ACACB: variants seen among roughly 807,000 people sequenced by gnomAD.
The protein encoded by ACACB is acetyl-CoA carboxylase beta.
In ACACB, 209 loss-of-function variants were observed where a neutral mutation model predicts 278.8. The ratio of observed to expected loss-of-function variants is 0.75; its 90% CI spans 0.67 to 0.84. The LOEUF (loss-of-function observed/expected upper bound fraction) is 0.84, where lower values mean the gene tolerates loss of function less well. Ranked by LOEUF, ACACB falls within the 40% of genes least tolerant of loss-of-function variation. The pLI, the probability that ACACB is intolerant of heterozygous loss-of-function variation, is 0.00. For synonymous variants in ACACB, 1,174 were observed against 1,285.6 expected (o/e 0.91, Z 1.86); for missense variants, 2,850 against 3,269.0 (o/e 0.87, Z 3.13).
At chr12:109,194,981 T>C (rs929798651) in intron 16 of ACACB, among the ~76,000 whole-genome samples, 1 of 152,160 alleles carries the variant, frequency 6.6e-6, no homozygotes, top group Non-Finnish European at 1.5e-5. Context: ...CTGGAGTCCC[T>C]GGGGCTTATT....
At chr12:109,124,278 T>C (rs1434064618) in intron 1 of ACACB, among the ~76,000 whole-genome samples, 1 of 152,190 alleles carries the variant, frequency 6.6e-6, no homozygotes, top group Non-Finnish European at 1.5e-5. Flanking sequence ...TAAATGCCAG[T>C]TACTTATTGA....
chr12:109,226,512 C>A (rs2046316474), intron 27 of ACACB, among the ~76,000 whole-genome samples: 1 of 151,824 alleles, frequency 6.6e-6, no homozygotes, highest in South Asian at 2.1e-4. Flanking sequence ...CCAGACTGAC[C>A]AACATGGAGA....
intron 52 of ACACB, among the ~76,000 whole-genome samples, chr12:109,265,746 T>C (rs909672113): frequency 1.3e-5 from 2 of 152,220 alleles, no homozygotes; most frequent in African/African-American, 2.4e-5. Flanking sequence ...AGAGGTACTC[T>C]GAAGGCCGTG....
chr12:109,262,457 A>C lies in ACACB; in HGVS notation c.6775A>C (p.Met2259Leu). 6.2e-7 allele frequency: 1 copy of C among 1,613,044 alleles called. No homozygotes were observed. Among genetic ancestry groups the C allele is most frequent in the Non-Finnish European group, 8.5e-7 (1 of 1,179,460 alleles). The change falls in exon 49 of 53, where the codon ATG becomes CTG. Residue 2259 changes from methionine (M) to leucine (L), a missense_variant. By Grantham distance (15) the Met-to-Leu change is conservative. Coordinates refer to ENST00000338432, the MANE Select transcript of ACACB (RefSeq NM_001093.4). ...GATCGATCCAGCTTACAAGAAGCTCATGGAACAGCTAGGTAAGGGGGTCCC... is the reference window on the plus strand; with the variant it reads ...GATCGATCCAGCTTACAAGAAGCTCCTGGAACAGCTAGGTAAGGGGGTCCC... ...RRIDPAYKKL[M>L]EQLGEPDLSD... is the part of the protein sequence containing the mutation.
At chr12:109,142,278 A>C (rs1232836501) in intron 2 of ACACB, among the ~76,000 whole-genome samples, 1 of 152,142 alleles carries the variant, frequency 6.6e-6, no homozygotes, top group African/African-American at 2.4e-5. Flanking sequence ...GAATGTATCA[A>C]ACCAACAAAC....
intron 24 of ACACB, among the ~76,000 whole-genome samples, chr12:109,219,664 A>T (rs893790259): frequency 6.6e-6 from 1 of 152,184 alleles, no homozygotes; most frequent in Non-Finnish European, 1.5e-5. Context: ...AAAAAGAGAG[A>T]GTGTGTATGT....
At chr12:109,223,986 C>A in intron 27 of ACACB, 82 bp downstream of exon 27, 1 of 1,155,632 alleles carries the variant, frequency 8.7e-7, no homozygotes, top group Non-Finnish European at 1.3e-6. Context: ...TGACCCTAGG[C>A]CACATGCCTT....
At chr12:109,156,457 G>A (rs2043539065) in intron 2 of ACACB, among the ~76,000 whole-genome samples, 1 of 151,254 alleles carries the variant, frequency 6.6e-6, no homozygotes, top group Non-Finnish European at 1.5e-5. Flanking sequence ...GAGCCTGGGA[G>A]ATCGAGGCTG....
Position 109,197,114 on chromosome 12 carries a change from G to A in ACACB, c.2588G>A (p.Gly863Glu). The change falls in exon 17 of 53, where the codon GGG becomes GAG. Residue 863 changes from glycine (G) to glutamate (E), a missense_variant. Transcript: ENST00000338432. ...NDGGLLLSYN[G>E]NSYTTYMKEE... ...GGGGGGCTCCTGCTCTCCTACAATG[G>A]GAACAGCTACACCACCTACATGAAG... 6.2e-7 allele frequency: 1 copy of A among 1,604,188 alleles called. No individual in the cohort carries two copies. Among genetic ancestry groups the A allele is most frequent in the Non-Finnish European group, 8.5e-7 (1 of 1,176,168 alleles).
chr12:109,165,228 A>G (rs960149887), intron 2 of ACACB, among the ~76,000 whole-genome samples: 1 of 152,190 alleles, frequency 6.6e-6, no homozygotes, highest in African/African-American at 2.4e-5. Flanking sequence ...TAGGGATGTC[A>G]GCAAAGGGAA....
Position 109,258,270 on chromosome 12 carries a change from T to C in ACACB, c.6266T>C (p.Leu2089Pro). ...GCTCACTGGTGCTCATTTTCCAGGC[T>C]TGGGGGGATTCCCGTGGGAGTGATT... ...AQTVVTGRAR[L>P]GGIPVGVIAV... Residue 2089 changes from leucine (L) to proline (P), a missense_variant and splice_region_variant, in exon 46 of 53, where the codon CTT becomes CCT. Leu to Pro is a moderately conservative substitution (Grantham distance 98, BLOSUM62 -3). Transcript: ENST00000338432. 6.2e-7 allele frequency: 1 copy of C among 1,611,800 alleles called. No individual in the cohort carries two copies. Among genetic ancestry groups the C allele is most frequent in the Non-Finnish European group, 8.5e-7 (1 of 1,179,470 alleles).
At chr12:109,210,560 TATAC>T (rs1290538663) in intron 21 of ACACB, among the ~76,000 whole-genome samples, 1 of 148,724 alleles carries the variant, frequency 6.7e-6, no homozygotes, top group Non-Finnish European at 1.5e-5. Context: ...TATATACATA[TATAC>T]ATGTATGTGT....
intron 46 of ACACB, 48 bp downstream of exon 46, chr12:109,258,412 C>T (rs199538122): frequency 9.3e-6 from 14 of 1,512,160 alleles, no homozygotes; most frequent in Non-Finnish European, 1.2e-5. Flanking sequence ...GCGGTACTGT[C>T]GAGAGTGGGT....
At chr12:109,240,079 G>A (rs1023743014) in intron 35 of ACACB, 94 bp downstream of exon 35, 10 of 1,450,246 alleles carry the variant, frequency 6.9e-6, no homozygotes, top group Non-Finnish European at 8.4e-6. Flanking sequence ...TCAAGACCTG[G>A]GTTCCAGGAT....
Position 109,176,024 on chromosome 12 carries a change from T to C in ACACB, c.1310T>C (p.Val437Ala). 6.2e-7 allele frequency: 1 copy of C among 1,614,084 alleles called. No homozygotes were observed. The highest frequency in any genetic ancestry group is 8.5e-7 in the Non-Finnish European group (1 of 1,180,000). ...TATGACAAGGGTTGCGTGAAAGACG[T>C]AGATGAGGGCTTGGAGGTAAATGCA... ...DVYDKGCVKD[V>A]DEGLEAAERI... Residue 437 changes from valine to alanine, a missense_variant, in exon 8 of 53, where the codon GTA (valine) becomes GCA (alanine). By Grantham distance (64) the Val-to-Ala change is moderately conservative. Coordinates refer to ENST00000338432, the MANE Select transcript of ACACB (RefSeq NM_001093.4).
rs745392752 is a variant in ACACB, at chr12:109,209,368, G to T, written c.3249+15G>T. On this transcript the variant is annotated intron_variant, in intron 21 of 52. Transcript: ENST00000338432. ...CCAGCCAGCAGGTGCGTGCTCCCCTGCCCAGCCCCACCCCACCAGGATGGT... is the reference window on the plus strand; with the variant it reads ...CCAGCCAGCAGGTGCGTGCTCCCCTTCCCAGCCCCACCCCACCAGGATGGT... The T allele has an allele frequency of 6.3e-7, 1 of 1,598,484 alleles. No homozygotes were observed. Among genetic ancestry groups the T allele is most frequent in the Non-Finnish European group, 8.5e-7 (1 of 1,171,534 alleles).
At chr12:109,169,157 A>AAG in intron 4 of ACACB, among the ~76,000 whole-genome samples, 1 of 151,580 alleles carries the variant, frequency 6.6e-6, no homozygotes, top group Non-Finnish European at 1.5e-5. Flanking sequence ...AAAAAAAAAA[A>AAG]AAAGCAAAAC....
At chr12:109,185,818 A>G in intron 12 of ACACB, 78 bp downstream of exon 12, 1 of 1,427,908 alleles carries the variant, frequency 7.0e-7, no homozygotes, top group South Asian at 1.4e-5. Context: ...TAGCCTGGGA[A>G]GAGACACCCA....
Position 109,172,227 on chromosome 12 carries a change from G to T in ACACB, c.1036-48G>T, listed in dbSNP as rs1184089844. The T allele has an allele frequency of 3.2e-6, 5 of 1,570,382 alleles. No homozygotes were observed. In the South Asian group the frequency reaches 3.4e-5, roughly 11 times the overall value. On this transcript the variant is annotated intron_variant, in intron 5 of 52. Coordinates refer to ENST00000338432, the MANE Select transcript of ACACB (RefSeq NM_001093.4). ...GTGAGTTACTGCACCTGGCTGGGAG[G>T]CATATTCTTGAAGGAAGATTGTTGC...
Sources: allele counts gnomAD v4.1 joint callset (sites outside exome capture counted in the v4.1 genomes callset), GRCh38; gene constraint gnomAD v4.1.1; transcripts MANE v1.5; gene names NCBI Gene and HGNC (gene_info 2026-07-23, HGNC 2026-07-21).